PCDH9: variants seen among roughly 807,000 people sequenced by gnomAD.
The protein encoded by PCDH9 is protocadherin 9, also known as protocadherin-9.
Under a neutral mutation model 70.6 loss-of-function variants are expected in PCDH9, and 24 were observed. The observed-to-expected ratio is 0.34, with a 90% CI of 0.25 to 0.48. The LOEUF (loss-of-function observed/expected upper bound fraction) is 0.48, where lower values mean the gene tolerates loss of function less well. PCDH9 is among the 20% of genes least tolerant of loss of function. The probability of loss-of-function intolerance (pLI) is 0.99; values close to 1 mark genes in which losing one functional copy is unlikely to be tolerated. For missense variants in PCDH9, 1,281 were observed against 1,503.6 expected (o/e 0.85, Z 2.45); for synonymous variants, 562 against 558.5 (o/e 1.01, Z -0.09).
At chr13:66,443,479 C>G (rs1958012069) in intron 4 of PCDH9, among the ~76,000 whole-genome samples, 1 of 151,902 alleles carries the variant, frequency 6.6e-6, no homozygotes, top group Admixed American at 6.6e-5. Flanking sequence ...TTATTATATT[C>G]CAATAAACTA....
intron 3 of PCDH9, among the ~76,000 whole-genome samples, chr13:66,677,551 T>A (rs1475264405): frequency 6.6e-6 from 1 of 152,050 alleles, no homozygotes; most frequent in Non-Finnish European, 1.5e-5. Flanking sequence ...GCTTGGTGTG[T>A]CTTTGTGATA....
intron 4 of PCDH9, among the ~76,000 whole-genome samples, chr13:66,333,346 AGCACTGAGGTAGAAATGATGGACTAG>A (rs1214855694): frequency 2.0e-5 from 3 of 152,170 alleles, no homozygotes; most frequent in African/African-American, 4.8e-5. Context: ...ACACCAGTAT[AGCACTGAGGTAGAAATGATGGACTAG>A]GCACCCTGTA....
chr13:66,332,260 C>G (rs1469853545), intron 4 of PCDH9, among the ~76,000 whole-genome samples: 1 of 152,022 alleles, frequency 6.6e-6, no homozygotes, highest in African/African-American at 2.4e-5. Context: ...ATGGAGACAA[C>G]CAGAAACAAG....
chr13:67,063,515 A>G (rs1311488368), intron 2 of PCDH9, among the ~76,000 whole-genome samples: 1 of 90,366 alleles, frequency 1.1e-5, no homozygotes, highest in East Asian at 3.6e-4. Flanking sequence ...ATAGAATTTA[A>G]AAAGCTTTCC....
chr13:67,072,452 A>T (rs577787882), intron 2 of PCDH9, among the ~76,000 whole-genome samples: 3 of 152,140 alleles, frequency 2.0e-5, no homozygotes, highest in Admixed American at 6.6e-5. Context: ...CCTTAAAAAC[A>T]CAGTTTTCCT....
chr13:66,422,983 C>A (rs990198614), intron 4 of PCDH9, among the ~76,000 whole-genome samples: 1 of 152,124 alleles, frequency 6.6e-6, no homozygotes, highest in Non-Finnish European at 1.5e-5. Flanking sequence ...GAGATCACCA[C>A]TGATCCCTAG....
intron 2 of PCDH9, among the ~76,000 whole-genome samples, chr13:67,166,130 T>G (rs2088110068): frequency 6.6e-6 from 1 of 152,226 alleles, no homozygotes; most frequent in African/African-American, 2.4e-5. Context: ...GCATGGCCTC[T>G]GCTGAACACT....
chr13:66,336,028 C>T (rs1401924226), intron 4 of PCDH9, among the ~76,000 whole-genome samples: 30 of 151,986 alleles, frequency 2.0e-4, no homozygotes, highest in Admixed American at 2.0e-3. Context: ...GTGGCCCCTT[C>T]TAAAGATAAG....
At chr13:66,538,692 C>A (rs1055490544) in intron 4 of PCDH9, among the ~76,000 whole-genome samples, 1 of 151,846 alleles carries the variant, frequency 6.6e-6, no homozygotes, top group Admixed American at 6.6e-5. Flanking sequence ...GGAGAGTGAT[C>A]TGCATTACCT....
chr13:67,201,240 C>T lies in PCDH9; in HGVS notation c.3036+24165G>A, dbSNP rs542385380. ...ATCCGTTTAAATAAATAGTAGAATA[C>T]TTGATTTGACATATGTGATAGTCAT... On this transcript the variant is annotated intron_variant, in intron 2 of 4. Transcript: ENST00000377865. The T allele has an allele frequency of 2.0e-5, 3 of 151,998 alleles. No homozygotes were observed. In the East Asian group the frequency reaches 5.8e-4, roughly 29 times the overall value. 9.4% of individuals were successfully genotyped at this position (151,998 alleles called of 1,614,324 possible). A position where few individuals can be genotyped will look rare whatever the true frequency, so the allele number is the denominator to read the frequency against.
intron 2 of PCDH9, among the ~76,000 whole-genome samples, chr13:66,915,666 C>T (rs935721199): frequency 6.6e-6 from 1 of 151,534 alleles, no homozygotes; most frequent in African/African-American, 2.4e-5. Flanking sequence ...GGGTAGGAAT[C>T]TGTGGGGTGT....
At chr13:66,974,912 T>C (rs1309881352) in intron 2 of PCDH9, among the ~76,000 whole-genome samples, 2 of 152,050 alleles carry the variant, frequency 1.3e-5, no homozygotes, top group Non-Finnish European at 2.9e-5. Flanking sequence ...CATAACCTGG[T>C]TTAAATAAGA....
At chr13:66,653,336 G>A (rs573457511) in intron 3 of PCDH9, among the ~76,000 whole-genome samples, 16 of 152,220 alleles carry the variant, frequency 1.1e-4, no homozygotes, top group African/African-American at 3.9e-4. Flanking sequence ...TAATCTGATT[G>A]TAAAATGGTC....
rs2080163726 is a variant in PCDH9, at chr13:66,791,541, G to T, written c.3138+111963C>A. Reference sequence around the variant, plus strand: ...ACTTTCAAATACAAAAAGTAATTGTGGTTTTTGCCAATGAAAGTAATGGTA... The same window carrying T: ...ACTTTCAAATACAAAAAGTAATTGTTGTTTTTGCCAATGAAAGTAATGGTA... On this transcript the variant is annotated intron_variant, in intron 3 of 4. Transcript: ENST00000377865. 2.0e-5 allele frequency among the ~76,000 whole-genome samples: 3 copies of T among 151,846 alleles called. No individual in the cohort carries two copies. In the South Asian group the frequency reaches 6.2e-4, roughly 32 times the overall value.
At chr13:67,106,250 C>T (rs2086540409) in intron 2 of PCDH9, among the ~76,000 whole-genome samples, 1 of 152,112 alleles carries the variant, frequency 6.6e-6, no homozygotes, top group Admixed American at 6.5e-5. Flanking sequence ...TTCCTATTTA[C>T]CAAGTTATTC....
chr13:66,697,285 C>T (rs185023183), intron 3 of PCDH9, among the ~76,000 whole-genome samples: 1 of 152,050 alleles, frequency 6.6e-6, no homozygotes, highest in South Asian at 2.1e-4. Context: ...TTTCTCCCCC[C>T]CCAAAAAATA....
rs139725160 is a variant in PCDH9 at position 66,437,555 on chromosome 13, T to A, written c.3341-132527A>T. 3.3e-5 allele frequency among the ~76,000 whole-genome samples: 5 copies of A among 151,840 alleles called. No individual in the cohort carries two copies. The East Asian group carries it at 7.8e-4, about 24-fold the overall frequency. The stretch of plus-strand genomic sequence containing the variant: ...AATCAGTGGCTGAAAAGATGCTCAA[T>A]AAAATTAGCCATCAAGGAAATATAA... On this transcript the variant is annotated intron_variant, in intron 4 of 4. Transcript: ENST00000377865.
chr13:66,716,160 A>G (rs2078863655), intron 3 of PCDH9, among the ~76,000 whole-genome samples: 1 of 152,226 alleles, frequency 6.6e-6, no homozygotes, highest in African/African-American at 2.4e-5. Context: ...ATTTCAAACA[A>G]TAATCTCAAT....
intron 4 of PCDH9, among the ~76,000 whole-genome samples, chr13:66,326,628 AG>A (rs1398435661): frequency 6.6e-6 from 1 of 152,040 alleles, no homozygotes; most frequent in African/African-American, 2.4e-5. Context: ...CATGTTGGCC[AG>A]GCTGATCTCC....
Sources: gnomAD v4.1 joint callset for allele counts (sites outside exome capture counted in the v4.1 genomes callset) on GRCh38, gnomAD v4.1.1 for gene constraint, MANE v1.5 for transcripts, NCBI Gene and HGNC (gene_info 2026-07-23, HGNC 2026-07-21) for gene names.